The following SH3TC2 variants were observed in gnomAD, a reference collection of about 807,000 sequenced individuals.
The protein encoded by SH3TC2 is SH3 domain and tetratricopeptide repeat-containing protein 2.
A neutral mutation model predicts 124.5 loss-of-function variants in SH3TC2; 87 were observed. The ratio of observed to expected loss-of-function variants is 0.70; its 90% CI spans 0.59 to 0.84. SH3TC2 has a LOEUF of 0.84. Among genes scored for constraint, SH3TC2 ranks in the 40% least tolerant of loss-of-function variants. SH3TC2 has a pLI of 0.00. For missense variants in SH3TC2, 1,536 were observed against 1,566.4 expected (o/e 0.98, Z 0.33); for synonymous variants, 634 against 628.5 (o/e 1.01, Z -0.13).
At chr5:149,055,940 C>T (rs940215415) in intron 1 of SH3TC2, among the ~76,000 whole-genome samples, 4 of 151,970 alleles carry the variant, frequency 2.6e-5, no homozygotes, top group African/African-American at 9.7e-5. Flanking sequence ...ATAAATAAAT[C>T]CAATACAACA....
At chr5:149,040,786 T>A in intron 6 of SH3TC2, 109 bp from the exon 7 acceptor site, 1 of 986,738 alleles carries the variant, frequency 1.0e-6, no homozygotes, top group Admixed American at 1.9e-5. Flanking sequence ...GTTTTTTCTC[T>A]TATTTAAATG....
intron 9 of SH3TC2, among the ~76,000 whole-genome samples, chr5:149,029,186 C>CT (rs1754138917): frequency 6.6e-6 from 1 of 152,216 alleles, no homozygotes; most frequent in Non-Finnish European, 1.5e-5. Flanking sequence ...CACATCCTTC[C>CT]TTCTTGCCTC....
chr5:149,010,981 T>C (rs1753774661), intron 13 of SH3TC2, among the ~76,000 whole-genome samples: 2 of 152,224 alleles, frequency 1.3e-5, no homozygotes. Context: ...CAAATGTTGG[T>C]GTCTTCCATC....
At chr5:149,044,991 T>C in intron 3 of SH3TC2, 1 of 199,180 alleles carries the variant, frequency 5.0e-6, no homozygotes, top group South Asian at 9.1e-5. Flanking sequence ...AAAAAAAGTG[T>C]ATGTGGGAGG....
intron 1 of SH3TC2, 139 bp from the exon 2 acceptor site, chr5:149,052,379 T>A: frequency 1.5e-6 from 1 of 687,630 alleles, no homozygotes; most frequent in Non-Finnish European, 2.7e-6. Flanking sequence ...GTTATCACCA[T>A]TGCCTTGTAA....
In SH3TC2 at chr5:149,027,979, T is replaced by C. The variant is rs754346565; in HGVS notation, c.1753A>G (p.Arg585Gly). The stretch of plus-strand genomic sequence containing the variant: ...TCCAACAGGGCGGAGCCTTTATGTC[T>C]CAGCCTCTGTTTCAGGTAGATGGCA... Reference protein sequence around the residue: ...LAAIYLKQRLRHKGSALLEKA... With the variant: ...LAAIYLKQRLGHKGSALLEKA... Residue 585 changes from arginine to glycine, a missense_variant, in exon 11 of 17, where the codon AGA becomes GGA. By Grantham distance (125) the Arg-to-Gly change is moderately radical. Around this residue, in one of 3 missense-constraint regions of SH3TC2, gnomAD observed 1,102 missense variants for 1,098.6 expected, o/e 1.00. Coordinates refer to ENST00000515425, the MANE Select transcript of SH3TC2 (RefSeq NM_024577.4). The C allele has an allele frequency of 6.2e-7, 1 of 1,614,184 alleles. No individual in the cohort carries two copies. Among genetic ancestry groups the C allele is most frequent in the South Asian group, 1.1e-5 (1 of 91,084 alleles).
At chr5:149,029,017 G>C (rs925839730) in intron 9 of SH3TC2, among the ~76,000 whole-genome samples, 3 of 137,440 alleles carry the variant, frequency 2.2e-5, no homozygotes, top group Non-Finnish European at 4.7e-5. Context: ...GGTACTGTAG[G>C]GGGGTGGGGG....
Position 148,985,381 on chromosome 5 carries a change from T to A in SH3TC2, c.*19330A>T, listed in dbSNP as rs1162098641. ...AACAATTTTCTTGTGTCTTTTTTCATCAATTCTTCCTCCAACTCACAGCAC... is the reference window on the plus strand; with the variant it reads ...AACAATTTTCTTGTGTCTTTTTTCAACAATTCTTCCTCCAACTCACAGCAC... On this transcript the variant is annotated 3_prime_UTR_variant, in exon 17 of 17. Coordinates refer to ENST00000515425, the MANE Select transcript of SH3TC2 (RefSeq NM_024577.4). Among the ~76,000 whole-genome samples the A allele has an allele frequency of 2.6e-5, 4 of 152,204 alleles. No individual in the cohort carries two copies. The highest frequency in any genetic ancestry group is 9.6e-5 in the African/African-American group (4 of 41,460).
chr5:149,030,407 T>A (rs538332341), intron 9 of SH3TC2, among the ~76,000 whole-genome samples: 1 of 152,330 alleles, frequency 6.6e-6, no homozygotes, highest in South Asian at 2.1e-4. Flanking sequence ...GTCTGGGGCC[T>A]CCTCTTACAT....
Position 149,003,876 on chromosome 5 carries a change from T to C in SH3TC2, c.*835A>G, listed in dbSNP as rs763717105. 1.1e-5 allele frequency: 4 copies of C among 363,920 alleles called. No individual in the cohort carries two copies. Among genetic ancestry groups the C allele is most frequent in the South Asian group, 4.1e-5 (2 of 48,708 alleles). 22.5% of individuals were successfully genotyped at this position (363,920 alleles called of 1,614,324 possible). ...AAAAAAAAAAAAAAAAAAAAAGACA[T>C]GTATTGGTATTCTCTCCCATCCATC... On this transcript the variant is annotated 3_prime_UTR_variant, in exon 17 of 17. Transcript: ENST00000515425.
intron 2 of SH3TC2, among the ~76,000 whole-genome samples, chr5:149,049,126 G>T (rs1754514356): frequency 6.6e-6 from 1 of 152,174 alleles, no homozygotes; most frequent in African/African-American, 2.4e-5. Flanking sequence ...GGCTGCAAAT[G>T]AGCTCTTCTA....
intron 12 of SH3TC2, among the ~76,000 whole-genome samples, chr5:149,014,453 G>T (rs1331955236): frequency 6.6e-6 from 1 of 152,140 alleles, no homozygotes; most frequent in Non-Finnish European, 1.5e-5. Flanking sequence ...CAGCCACCAG[G>T]CCCCTTTGTG....
chr5:149,005,603 C>G (rs1314164329), intron 16 of SH3TC2, among the ~76,000 whole-genome samples: 2 of 152,150 alleles, frequency 1.3e-5, no homozygotes, highest in Admixed American at 6.5e-5. Flanking sequence ...GGGGCAGAGG[C>G]AAGATGGCTA....
Position 148,995,185 on chromosome 5 carries a change from T to C in SH3TC2, c.*9526A>G, listed in dbSNP as rs1231009803. On this transcript the variant is annotated 3_prime_UTR_variant, in exon 17 of 17. Coordinates refer to ENST00000515425, the MANE Select transcript of SH3TC2 (RefSeq NM_024577.4). The stretch of plus-strand genomic sequence containing the variant: ...AAAAGAGAAATATTTATCTTGAAGA[T>C]CCTAAGTTCTGAAAGAGAAAACGTG... Among the ~76,000 whole-genome samples the C allele has an allele frequency of 6.6e-6, 1 of 152,198 alleles. No homozygotes were observed. The highest frequency in any genetic ancestry group is 1.5e-5 in the Non-Finnish European group (1 of 68,040).
chr5:149,045,587 A>G (rs555955605), intron 3 of SH3TC2: 1 of 152,088 alleles, frequency 6.6e-6, no homozygotes, highest in Non-Finnish European at 1.5e-5. Context: ...TCCAATTTAC[A>G]TGCTCACAAG....
At chr5:149,023,216 C>T (rs781224720) in intron 12 of SH3TC2, among the ~76,000 whole-genome samples, 1 of 152,144 alleles carries the variant, frequency 6.6e-6, no homozygotes, top group East Asian at 1.9e-4. Context: ...TTTCTAACCA[C>T]TGAATTCCCC....
In SH3TC2 at chr5:149,007,001, A is replaced by G. The variant is rs755829382; in HGVS notation, c.3555T>C (p.Ala1185=). 3.1e-6 allele frequency: 5 copies of G among 1,614,112 alleles called. No individual in the cohort carries two copies. In the South Asian group the frequency reaches 4.4e-5, roughly 14 times the overall value. The change falls in exon 16 of 17, where the codon GCT becomes GCC. Residue 1185 remains alanine (A), a synonymous_variant. Coordinates refer to ENST00000515425, the MANE Select transcript of SH3TC2 (RefSeq NM_024577.4). ...VYYSLHMYEM[A]EDCYLKTLSL... is the part of the protein sequence containing the mutation. ...ACAGGGTCTTCAGGTAGCAGTCCTC[A>G]GCCATCTCATACATGTGCAGGGAGT... is the stretch of plus-strand genomic sequence containing the variant.
chr5:149,062,662 G>A (rs1033687809), intron 1 of SH3TC2, among the ~76,000 whole-genome samples: 1 of 152,154 alleles, frequency 6.6e-6, no homozygotes, highest in African/African-American at 2.4e-5. Context: ...GGGGGATCTC[G>A]GGAAGAAAGG....
Position 149,042,870 on chromosome 5 carries a change from A to G in SH3TC2, c.386-33T>C. The G allele has an allele frequency of 2.5e-6, 4 of 1,613,428 alleles. 1 individual carries two copies. The South Asian group carries it at 3.3e-5, about 13-fold the overall frequency. ...GTCAAGCCAACAAGATTTCTGAACA[A>G]AATGATTTCTGACATAGCTGAGCAC... On this transcript the variant is annotated intron_variant, in intron 4 of 16. Transcript: ENST00000515425.
Sources: allele counts gnomAD v4.1 joint callset (sites outside exome capture counted in the v4.1 genomes callset), GRCh38; gene constraint gnomAD v4.1.1; regional missense constraint gnomAD v4.1.1; transcripts MANE v1.5; gene names NCBI Gene and HGNC (gene_info 2026-07-23, HGNC 2026-07-21).